FNTA: variants seen among roughly 807,000 people sequenced by gnomAD.
FNTA encodes the protein farnesyltransferase, CAAX box, subunit alpha.
Under a neutral mutation model 55.2 loss-of-function variants are expected in FNTA, and 27 were observed. The observed-to-expected ratio is 0.49, with a 90% confidence interval of 0.36 to 0.67. The LOEUF is 0.67. FNTA is among the 30% of genes least tolerant of loss of function. FNTA has a pLI of 0.00. For missense variants in FNTA, 422 were observed against 464.7 expected, an observed-to-expected ratio of 0.91 and a Z score of 0.85; for synonymous variants, 176 against 170.7, an observed-to-expected ratio of 1.03 and a Z score of -0.24.
intron 5 of FNTA, among the ~76,000 whole-genome samples, chr8:43,074,218 A>G (rs1245881217): frequency 1.3e-5 from 2 of 152,178 alleles, no homozygotes; most frequent in Non-Finnish European, 2.9e-5. Context: ...AAAATACACT[A>G]AAAATCAATT....
chr8:43,075,001 T>C (rs778047890), intron 5 of FNTA, among the ~76,000 whole-genome samples: 20 of 152,344 alleles, frequency 1.3e-4, no homozygotes, highest in Non-Finnish European at 2.2e-4. Flanking sequence ...GATTGCACTT[T>C]AGTAAGATGT....
chr8:43,069,729 C>T, intron 4 of FNTA, 70 bp downstream of exon 4: 2 of 898,172 alleles, frequency 2.2e-6, no homozygotes. Context: ...ACTGCAGCCT[C>T]TGCCTCCTGG....
rs774095685 is a variant in FNTA, at chr8:43,072,218, C to T, written c.544C>T (p.Pro182Ser). 2 of 1,581,842 alleles carry T rather than the reference C, an allele frequency of 1.3e-6. No individual in the cohort carries two copies. The highest frequency in any genetic ancestry group is 1.2e-5 in the South Asian group (1 of 85,564). ...RRVLVEWLRD[P>S]SQELEFIADI... ...AGTATTAGTGGAATGGCTAAGAGAT[C>T]CATCTCAGGAGCTTGAATTTATTGC... The change falls in exon 5 of 9, where the codon CCA (proline) becomes TCA (serine). Residue 182 changes from proline (P) to serine (S), a missense_variant. Pro to Ser is a moderately conservative substitution (Grantham distance 74, BLOSUM62 -1). Around this residue, in one of 2 missense-constraint regions of FNTA, gnomAD observed 262 missense variants for 343.1 expected, o/e 0.76. Transcript: ENST00000302279.
chr8:43,074,018 T>A (rs1341778530), intron 5 of FNTA, among the ~76,000 whole-genome samples: 2 of 152,192 alleles, frequency 1.3e-5, no homozygotes, highest in Non-Finnish European at 2.9e-5. Flanking sequence ...ACATATATAT[T>A]AAAAACGTGG....
intron 7 of FNTA, among the ~76,000 whole-genome samples, chr8:43,083,706 AGTT>A (rs1243867260): frequency 6.6e-6 from 1 of 152,234 alleles, no homozygotes; most frequent in Non-Finnish European, 1.5e-5. Flanking sequence ...GTATGGAACC[AGTT>A]ACCCTTGGAG....
chr8:43,061,122 A>T (rs566513072), intron 2 of FNTA, among the ~76,000 whole-genome samples: 2 of 152,222 alleles, frequency 1.3e-5, no homozygotes, highest in Non-Finnish European at 2.9e-5. Flanking sequence ...AGAGCTCCAT[A>T]CATTTCATAT....
In FNTA at chr8:43,083,901, C is replaced by T. The variant is rs554241450; in HGVS notation, c.845+721C>T. Among the ~76,000 whole-genome samples the T allele has an allele frequency of 1.2e-3, 189 of 152,240 alleles. 2 individuals are homozygous for T. The highest frequency in any genetic ancestry group is 7.9e-3 in the East Asian group (41 of 5,178). On this transcript the variant is annotated intron_variant, in intron 7 of 8. Coordinates refer to ENST00000302279, the MANE Select transcript of FNTA (RefSeq NM_002027.3). Reference sequence around the variant, plus strand: ...CAGCCTGGCCAACATGGCAAAACCCCGTCTCTACTAAAAATATACAAATTA... The same window carrying T: ...CAGCCTGGCCAACATGGCAAAACCCTGTCTCTACTAAAAATATACAAATTA...
In FNTA at chr8:43,085,452, GC is replaced by G. The variant is rs1811108870; in HGVS notation, c.*171del. On this transcript the variant is annotated 3_prime_UTR_variant, in exon 9 of 9. Transcript: ENST00000302279. Reference sequence around the variant, plus strand: ...TTGGGTGCTGCTGCTACTCAGACTAGCTCTAAGTAATGTGATTCTTCTAAAG... The same window carrying G: ...TTGGGTGCTGCTGCTACTCAGACTAGTCTAAGTAATGTGATTCTTCTAAAG... 5.0e-6 allele frequency: 3 copies of G among 596,750 alleles called. No individual in the cohort carries two copies. The East Asian group carries it at 9.6e-5, about 19-fold the overall frequency. The allele number at this position is 596,750 out of a possible 1,614,324, so 37.0% of individuals were successfully genotyped here. A position where few individuals can be genotyped will look rare whatever the true frequency, so the allele number is the denominator to read the frequency against.
At chr8:43,073,406 A>G (rs1307758161) in intron 5 of FNTA, 4 of 152,194 alleles carry the variant, frequency 2.6e-5, no homozygotes, top group African/African-American at 9.7e-5. Context: ...AGGATTCCAG[A>G]ATATCCCTTA....
chr8:43,064,135 G>T lies in FNTA; in HGVS notation c.321G>T (p.Leu107=), dbSNP rs1318966639. 5.0e-6 allele frequency: 8 copies of T among 1,613,924 alleles called. No individual in the cohort carries two copies. The highest frequency in any genetic ancestry group is 6.8e-6 in the Non-Finnish European group (8 of 1,179,808). ...RDVYDYFRAV[L]QRDERSERAF... ...TTTATGATTACTTCCGAGCTGTCCTGCAGCGTGATGAAAGAAGTGAACGAG... is the reference window on the plus strand; with the variant it reads ...TTTATGATTACTTCCGAGCTGTCCTTCAGCGTGATGAAAGAAGTGAACGAG... The change falls in exon 3 of 9, where the codon CTG becomes CTT. Residue 107 remains leucine (L), a synonymous_variant. Coordinates refer to ENST00000302279, the MANE Select transcript of FNTA (RefSeq NM_002027.3).
chr8:43,061,285 G>A (rs1810523009), intron 2 of FNTA, among the ~76,000 whole-genome samples: 1 of 152,192 alleles, frequency 6.6e-6, no homozygotes, highest in South Asian at 2.1e-4. Context: ...TGCACAGGAG[G>A]TTAAAAGCAC....
intron 2 of FNTA, among the ~76,000 whole-genome samples, chr8:43,060,972 A>G (rs1199735319): frequency 6.6e-6 from 1 of 152,206 alleles, no homozygotes; most frequent in East Asian, 1.9e-4. Context: ...AGAAAAGAAA[A>G]TCCCATTGGC....
intron 4 of FNTA, among the ~76,000 whole-genome samples, chr8:43,070,820 C>T (rs1029950670): frequency 6.6e-6 from 1 of 152,224 alleles, no homozygotes; most frequent in Non-Finnish European, 1.5e-5. Context: ...TAACATAAAG[C>T]CGTGTAACTC....
intron 1 of FNTA, among the ~76,000 whole-genome samples, chr8:43,057,868 G>T (rs1427949250): frequency 1.3e-5 from 2 of 150,280 alleles, no homozygotes; most frequent in South Asian, 2.1e-4. Context: ...TGAGGCAGGA[G>T]AATCGCTTTA....
chr8:43,085,348 A>G lies in FNTA; in HGVS notation c.*66A>G, dbSNP rs1811105523. 3 of 1,476,938 alleles carry G rather than the reference A, an allele frequency of 2.0e-6. No individual in the cohort carries two copies. In the East Asian group the frequency reaches 6.9e-5, roughly 34 times the overall value. The allele number at this position is 1,476,938 out of a possible 1,614,324, so 91.5% of individuals were successfully genotyped here. A position where few individuals can be genotyped will look rare whatever the true frequency, so the allele number is the denominator to read the frequency against. ...TTAAGGGACCCTGCAGGAGTTTCAC[A>G]CGAGAGTGGTCCTTCCCTTTGCCTG... On this transcript the variant is annotated 3_prime_UTR_variant, in exon 9 of 9. Coordinates refer to ENST00000302279, the MANE Select transcript of FNTA (RefSeq NM_002027.3).
At chr8:43,084,337 A>C (rs1811084586) in intron 7 of FNTA, among the ~76,000 whole-genome samples, 1 of 149,762 alleles carries the variant, frequency 6.7e-6, no homozygotes, top group South Asian at 2.1e-4. Flanking sequence ...CTCCCACCTC[A>C]GCCTCCCAAG....
chr8:43,080,791 T>C (rs1304506603), intron 6 of FNTA: 2 of 152,238 alleles, frequency 1.3e-5, no homozygotes, highest in African/African-American at 4.8e-5. Context: ...GGCAGTTTTA[T>C]TGAACATTAT....
chr8:43,075,762 G>A (rs942169241), intron 5 of FNTA, among the ~76,000 whole-genome samples: 3 of 152,204 alleles, frequency 2.0e-5, no homozygotes, highest in African/African-American at 7.2e-5. Context: ...GTTACAGCGA[G>A]CTGAGACTAT....
At chr8:43,083,370 A>G (rs963462982) in intron 7 of FNTA, among the ~76,000 whole-genome samples, 190 bp downstream of exon 7, 9 of 152,184 alleles carry the variant, frequency 5.9e-5, no homozygotes, top group Admixed American at 1.3e-4. Context: ...CCTCCCAAGT[A>G]CCTACCAACA....
Sources: allele counts gnomAD v4.1 joint callset (sites outside exome capture counted in the v4.1 genomes callset), GRCh38; gene constraint gnomAD v4.1.1; regional missense constraint gnomAD v4.1.1; transcripts MANE v1.5; gene names NCBI Gene and HGNC (gene_info 2026-07-23, HGNC 2026-07-21).